PLXNA1: variants seen among roughly 807,000 people sequenced by gnomAD.
PLXNA1 encodes the protein plexin A1, also known as plexin-A1.
A neutral mutation model predicts 191.7 loss-of-function variants in PLXNA1; 77 were observed. The observed-to-expected ratio is 0.40, with a 90% confidence interval of 0.33 to 0.49. The LOEUF is 0.49. Ranked by LOEUF, PLXNA1 falls within the 20% of genes least tolerant of loss-of-function variation. PLXNA1 has a pLI of 0.63. For synonymous variants in PLXNA1, 1,137 were observed against 1,156.4 expected, an observed-to-expected ratio of 0.98 and a Z score of 0.34; for missense variants, 2,110 against 2,660.2, an observed-to-expected ratio of 0.79 and a Z score of 4.55.
At chr3:126,993,962 C>T (rs73194715) in intron 3 of PLXNA1, among the ~76,000 whole-genome samples, 1 of 152,330 alleles carries the variant, frequency 6.6e-6, no homozygotes, top group Non-Finnish European at 1.5e-5. Flanking sequence ...CCTCTCCTTG[C>T]CCATTGTGTG....
At chr3:127,027,918 C>T (rs758211233) in intron 23 of PLXNA1, 22 bp from the exon 24 acceptor site, 1 of 1,612,490 alleles carries the variant, frequency 6.2e-7, no homozygotes, top group South Asian at 1.1e-5. Flanking sequence ...CTGGCTGCAG[C>T]CTCATGCCGC....
intron 3 of PLXNA1, among the ~76,000 whole-genome samples, chr3:126,993,970 G>A (rs2079003371): frequency 6.6e-6 from 1 of 152,182 alleles, no homozygotes; most frequent in African/African-American, 2.4e-5. Flanking sequence ...TGCCCATTGT[G>A]TGGCCTTGAG....
Position 127,017,745 on chromosome 3 carries a change from A to G in PLXNA1, c.3517-4A>G, listed in dbSNP as rs1253142822. The G allele has an allele frequency of 6.2e-7, 1 of 1,612,878 alleles. No individual in the cohort carries two copies. The highest frequency in any genetic ancestry group is 1.3e-5 in the African/African-American group (1 of 74,830). On this transcript the variant is annotated splice_region_variant and splice_polypyrimidine_tract_variant and intron_variant, in intron 18 of 31. Transcript: ENST00000393409. ...GGGCTCTGGCTCACCCCCATCTCCT[A>G]CAGGGCCGGAACCTCTTGCCACCTG...
Position 127,017,752 on chromosome 3 carries a change from C to G in PLXNA1, c.3520C>G (p.Arg1174Gly), listed in dbSNP as rs371091022. The G allele has an allele frequency of 6.2e-7, 1 of 1,613,164 alleles. No individual in the cohort carries two copies. The highest frequency in any genetic ancestry group is 2.2e-5 in the East Asian group (1 of 44,882). Residue 1174 changes from arginine (R) to glycine (G), a missense_variant, in exon 19 of 32, where the codon CGG becomes GGG. Arg to Gly is a moderately radical substitution (Grantham distance 125). Coordinates refer to ENST00000393409, the MANE Select transcript of PLXNA1 (RefSeq NM_032242.4). ...GGCTCACCCCCATCTCCTACAGGGCCGGAACCTCTTGCCACCTGCACCCGG... is the reference window on the plus strand; with the variant it reads ...GGCTCACCCCCATCTCCTACAGGGCGGGAACCTCTTGCCACCTGCACCCGG... ...KPSSPLILKG[R>G]NLLPPAPGNS...
intron 23 of PLXNA1, among the ~76,000 whole-genome samples, chr3:127,023,778 C>T (rs1019347215): frequency 2.0e-5 from 3 of 152,148 alleles, no homozygotes; most frequent in African/African-American, 7.2e-5. Context: ...ACGGGAAATA[C>T]AGCAGACAGG....
At chr3:126,993,677 C>T (rs2079002068) in intron 3 of PLXNA1, among the ~76,000 whole-genome samples, 1 of 152,230 alleles carries the variant, frequency 6.6e-6, no homozygotes, top group Non-Finnish European at 1.5e-5. Flanking sequence ...CCTTTGGGAG[C>T]ATCTGGGGTC....
intron 2 of PLXNA1, 39 bp from the exon 3 acceptor site, chr3:126,991,333 CTCCGGGAGAAGG>C (rs2078988931): frequency 2.5e-6 from 4 of 1,597,992 alleles, no homozygotes; most frequent in Non-Finnish European, 3.4e-6. Flanking sequence ...AGGCCCAGTC[CTCCGGGAGAAGG>C]TGCCCGGGGA....
intron 19 of PLXNA1, 134 bp from the exon 20 acceptor site, chr3:127,018,160 T>C (rs757570043): frequency 1.2e-4 from 114 of 918,404 alleles, no homozygotes; most frequent in Non-Finnish European, 1.8e-4. Context: ...TCCACCCTGG[T>C]GACCACTCTG....
At chr3:127,026,064 T>TA (rs1330185504) in intron 23 of PLXNA1, among the ~76,000 whole-genome samples, 2 of 152,224 alleles carry the variant, frequency 1.3e-5, no homozygotes, top group African/African-American at 4.8e-5. Context: ...GTGGCACTTT[T>TA]TGTTGGGCAG....
intron 29 of PLXNA1, chr3:127,031,787 G>A (rs148592459): frequency 6.5e-6 from 1 of 153,898 alleles, no homozygotes. Flanking sequence ...GCATGTTCTT[G>A]GAGAATGTTC....
At chr3:127,002,141 G>A (rs2079043953) in intron 3 of PLXNA1, among the ~76,000 whole-genome samples, 1 of 152,240 alleles carries the variant, frequency 6.6e-6, no homozygotes, top group Non-Finnish European at 1.5e-5. Flanking sequence ...CGCTGTCCCT[G>A]CATCTCTCCT....
chr3:127,014,920 T>A, intron 14 of PLXNA1, 89 bp downstream of exon 14: 1 of 1,527,772 alleles, frequency 6.5e-7, no homozygotes, highest in Non-Finnish European at 8.8e-7. Flanking sequence ...GGGCCCCTTG[T>A]CTGGCCATGC....
At chr3:127,000,509 C>T (rs1175590654) in intron 3 of PLXNA1, among the ~76,000 whole-genome samples, 2 of 152,214 alleles carry the variant, frequency 1.3e-5, no homozygotes, top group East Asian at 3.9e-4. Flanking sequence ...CCCCTGTGCT[C>T]TGGTTCTCCT....
intron 9 of PLXNA1, among the ~76,000 whole-genome samples, chr3:127,011,654 A>T (rs557495960): frequency 6.6e-6 from 1 of 152,274 alleles, no homozygotes; most frequent in African/African-American, 2.4e-5. Context: ...CCAGAGCCCC[A>T]ATCTCTTCTG....
chr3:127,032,334 G>A (rs113814607), intron 29 of PLXNA1, 53 bp from the exon 30 acceptor site: 2 of 1,574,530 alleles, frequency 1.3e-6, no homozygotes, highest in African/African-American at 1.3e-5. Flanking sequence ...CAAGGTCACT[G>A]CTCAGGAGGG....
Position 127,034,097 on chromosome 3 carries a change from T to G in PLXNA1, c.*80T>G. 1 of 1,307,100 alleles carries G rather than the reference T, an allele frequency of 7.7e-7. No homozygotes were observed. The highest frequency in any genetic ancestry group is 1.1e-6 in the Non-Finnish European group (1 of 942,102). 81.0% of individuals were successfully genotyped at this position (1,307,100 alleles called of 1,614,324 possible). On this transcript the variant is annotated 3_prime_UTR_variant, in exon 32 of 32. Coordinates refer to ENST00000393409, the MANE Select transcript of PLXNA1 (RefSeq NM_032242.4). ...CGGGACAGCCCTCACCGCATGCGTG[T>G]GGAGTGTCCGGTGGTGCTCGGGCCG...
At position 127,017,680 on chromosome 3, in the gene PLXNA1, C is replaced by T; in HGVS notation, c.3516+16C>T. 6.2e-7 allele frequency: 1 copy of T among 1,613,280 alleles called. No homozygotes were observed. The stretch of plus-strand genomic sequence containing the variant: ...CATCCTCAAGGTGGGTCACCATTGC[C>T]CGTAGGCTGGGCCAAGCCAGGGAAG... On this transcript the variant is annotated intron_variant, in intron 18 of 31. Coordinates refer to ENST00000393409, the MANE Select transcript of PLXNA1 (RefSeq NM_032242.4).
chr3:127,012,245 C>A, intron 10 of PLXNA1, 87 bp downstream of exon 10: 1 of 1,368,722 alleles, frequency 7.3e-7, no homozygotes, highest in Non-Finnish European at 1.0e-6. Context: ...TGTGCTTGTT[C>A]ATAAAGGGCA....
chr3:126,999,960 T>TGCATG (rs1312782658), intron 3 of PLXNA1, among the ~76,000 whole-genome samples: 5 of 151,436 alleles, frequency 3.3e-5, no homozygotes, highest in African/African-American at 1.2e-4. Context: ...TACCCCAGGG[T>TGCATG]TAGATGGTCC....
Sources: gnomAD v4.1 joint callset for allele counts (sites outside exome capture counted in the v4.1 genomes callset) on GRCh38, gnomAD v4.1.1 for gene constraint, MANE v1.5 for transcripts, NCBI Gene and HGNC (gene_info 2026-07-23, HGNC 2026-07-21) for gene names.